Variants in ZFP1 observed in about 807,000 individuals in gnomAD.
ZFP1 encodes ZFP1 zinc finger protein, also known as zinc finger protein 1 homolog.
In ZFP1, 32 loss-of-function variants were observed where a neutral mutation model predicts 38.5. The ratio of observed to expected loss-of-function variants is 0.83; its 90% CI spans 0.63 to 1.12. The LOEUF (loss-of-function observed/expected upper bound fraction) is 1.12, where lower values mean the gene tolerates loss of function less well. ZFP1 is among the 50% of genes most tolerant of loss of function. The pLI, the probability that ZFP1 is intolerant of heterozygous loss-of-function variation, is 0.00. For missense variants in ZFP1, 616 were observed against 480.8 expected, an observed-to-expected ratio of 1.28 and a Z score of -2.63; for synonymous variants, 245 against 168.8, an observed-to-expected ratio of 1.45 and a Z score of -3.50.
chr16:75,145,034 G>A (rs770213861), upstream of ZFP1, among the ~76,000 whole-genome samples: 5 of 152,158 alleles, frequency 3.3e-5, no homozygotes, highest in African/African-American at 9.7e-5. Context: ...TTTTAATCAC[G>A]TTGTAGCGTG....
At chr16:75,162,345 A>G (rs2037831340) in intron 2 of ZFP1, among the ~76,000 whole-genome samples, 1 of 151,566 alleles carries the variant, frequency 6.6e-6, no homozygotes, top group Non-Finnish European at 1.5e-5. Context: ...ACTGGTCTTG[A>G]ACTCCTGACC....
At chr16:75,166,919 G>A (rs752630529) in intron 3 of ZFP1, 23 bp downstream of exon 3, 7 of 1,609,800 alleles carry the variant, frequency 4.3e-6, no homozygotes, top group Middle Eastern at 1.7e-4. Flanking sequence ...TTCAGGTACA[G>A]CTCACCATGT....
intron 2 of ZFP1, among the ~76,000 whole-genome samples, chr16:75,159,360 T>TG: frequency 1.4e-4 from 1 of 7,100 alleles, no homozygotes; most frequent in Admixed American, 2.3e-3. Context: ...CCTTCTTTCC[T>TG]TTCCCTCCCT....
chr16:75,119,694 T>C, the ZFP1 span: 1 of 152,238 alleles, frequency 6.6e-6, no homozygotes, highest in Non-Finnish European at 1.5e-5. Flanking sequence ...GTGTGATCAT[T>C]TGTTTTGCTT....
chr16:75,143,116 A>C, the ZFP1 span, among the ~76,000 whole-genome samples: 1 of 152,252 alleles, frequency 6.6e-6, no homozygotes, highest in Non-Finnish European at 1.5e-5. Flanking sequence ...GAATTTCCTT[A>C]GAATAAATAA....
At chr16:75,165,294 A>T (rs2038010350) in intron 2 of ZFP1, among the ~76,000 whole-genome samples, 1 of 152,196 alleles carries the variant, frequency 6.6e-6, no homozygotes, top group Non-Finnish European at 1.5e-5. Context: ...CTCATTCTAA[A>T]TACTTTCAGC....
At chr16:75,121,192 T>G in the ZFP1 span, among the ~76,000 whole-genome samples, 1 of 150,152 alleles carries the variant, frequency 6.7e-6, no homozygotes, top group African/African-American at 2.4e-5. Flanking sequence ...TGAGACAGAG[T>G]CTCGCTGTCA....
chr16:75,127,044 C>T, the ZFP1 span, among the ~76,000 whole-genome samples: 1 of 152,082 alleles, frequency 6.6e-6, no homozygotes, highest in Non-Finnish European at 1.5e-5. Flanking sequence ...CAGTAATAAC[C>T]ATAATTGTTA....
chr16:75,134,444 A>G, the ZFP1 span, among the ~76,000 whole-genome samples: 476 of 152,176 alleles, frequency 3.1e-3, 6 homozygotes, highest in African/African-American at 0.011. Context: ...TCCCATCCCC[A>G]AAAAACATTT....
chr16:75,133,692 C>T, the ZFP1 span, among the ~76,000 whole-genome samples: 4 of 152,128 alleles, frequency 2.6e-5, no homozygotes, highest in Admixed American at 2.0e-4. Context: ...ATTCAGATTC[C>T]GCTTTCTTTG....
chr16:75,138,903 G>A, the ZFP1 span, among the ~76,000 whole-genome samples: 1 of 152,182 alleles, frequency 6.6e-6, no homozygotes, highest in Admixed American at 6.6e-5. Flanking sequence ...TGTGATGACA[G>A]CTCTAGGAAA....
chr16:75,151,676 C>A (rs1408979464), intron 1 of ZFP1, among the ~76,000 whole-genome samples: 1 of 152,068 alleles, frequency 6.6e-6, no homozygotes, highest in Non-Finnish European at 1.5e-5. Context: ...TGCTGTAAAC[C>A]CACAAAACTT....
intron 1 of ZFP1, among the ~76,000 whole-genome samples, chr16:75,150,479 A>G (rs939406166): frequency 6.6e-6 from 1 of 152,140 alleles, no homozygotes; most frequent in African/African-American, 2.4e-5. Context: ...TCGGCCTTGC[A>G]AAGTGCTGGG....
chr16:75,141,517 T>C, the ZFP1 span, among the ~76,000 whole-genome samples: 13 of 152,018 alleles, frequency 8.6e-5, no homozygotes, highest in African/African-American at 3.1e-4. Context: ...AATTGGGTCA[T>C]TCTTGTCATA....
the ZFP1 span, among the ~76,000 whole-genome samples, chr16:75,135,653 A>G: frequency 6.6e-6 from 1 of 152,158 alleles, no homozygotes; most frequent in Admixed American, 6.5e-5. Flanking sequence ...GGTGGGAGGG[A>G]TAAATAATGA....
intron 2 of ZFP1, among the ~76,000 whole-genome samples, chr16:75,165,104 C>T (rs2037995552): frequency 6.6e-6 from 1 of 151,842 alleles, no homozygotes; most frequent in Non-Finnish European, 1.5e-5. Flanking sequence ...CGCGCCCGGC[C>T]TCCATAAATC....
the ZFP1 span, chr16:75,132,548 C>T: frequency 6.6e-6 from 1 of 152,092 alleles, no homozygotes; most frequent in East Asian, 1.9e-4. Flanking sequence ...TCTGATGGAA[C>T]CATGCTAGAT....
chr16:75,130,058 G>A, the ZFP1 span, among the ~76,000 whole-genome samples: 30 of 151,930 alleles, frequency 2.0e-4, no homozygotes, highest in Admixed American at 1.8e-3. Flanking sequence ...GTGCAGTGGC[G>A]CAAGCTCGGC....
the ZFP1 span, among the ~76,000 whole-genome samples, chr16:75,120,827 G>C: frequency 6.6e-6 from 1 of 151,820 alleles, no homozygotes; most frequent in Admixed American, 6.6e-5. Context: ...GGGTTTCACC[G>C]TGTTAGCCAG....
Sources: gnomAD v4.1 joint callset for allele counts (sites outside exome capture counted in the v4.1 genomes callset) on GRCh38, gnomAD v4.1.1 for gene constraint, MANE v1.5 for transcripts, NCBI Gene and HGNC (gene_info 2026-07-23, HGNC 2026-07-21) for gene names.